The following GTF2A1L variants were observed in gnomAD, a reference collection of about 807,000 sequenced individuals.
GTF2A1L encodes the protein TFIIA-alpha and beta-like factor.
In GTF2A1L, 48 loss-of-function variants were observed where a neutral mutation model predicts 49.7. The ratio of observed to expected loss-of-function variants is 0.97; its 90% CI spans 0.77 to 1.23. GTF2A1L has a LOEUF of 1.23. Among genes scored for constraint, GTF2A1L ranks in the 50% most tolerant of loss-of-function variants. The probability of loss-of-function intolerance (pLI) is 0.00; values close to 1 mark genes in which losing one functional copy is unlikely to be tolerated. For synonymous variants in GTF2A1L, 246 were observed against 193.5 expected (o/e 1.27, Z -2.25); for missense variants, 736 against 564.8 (o/e 1.30, Z -3.07).
At chr2:48,623,026 C>T (rs1676095665) in intron 3 of GTF2A1L, among the ~76,000 whole-genome samples, 1 of 152,062 alleles carries the variant, frequency 6.6e-6, no homozygotes, top group Admixed American at 6.6e-5. Flanking sequence ...GAAATAATTA[C>T]ATTTTAAATA....
At position 48,626,104 on chromosome 2, in the gene GTF2A1L, C is replaced by A. The variant is rs756231035; in HGVS notation, c.247+4814C>A. The stretch of plus-strand genomic sequence containing the variant: ...GTGTGTGGAAATTCACTTCTTCCAC[C>A]AACAACCATTTATTGAAGAAACTAT... On this transcript the variant is annotated intron_variant, in intron 3 of 8. Coordinates refer to ENST00000403751, the MANE Select transcript of GTF2A1L (RefSeq NM_006872.5). Among the ~76,000 whole-genome samples, 56 of 143,868 alleles carry A rather than the reference C, an allele frequency of 3.9e-4. 12 individuals are homozygous for A. The highest frequency in any genetic ancestry group is 1.1e-4 in the Non-Finnish European group (7 of 63,990). 94.4% of individuals were successfully genotyped at this position (143,868 alleles called of 152,430 possible). A position where few individuals can be genotyped will look rare whatever the true frequency, so the allele number is the denominator to read the frequency against.
intron 3 of GTF2A1L, among the ~76,000 whole-genome samples, chr2:48,637,598 A>G (rs968820507): frequency 1.3e-5 from 2 of 152,206 alleles, no homozygotes; most frequent in African/African-American, 4.8e-5. Context: ...CCCCAAAGCT[A>G]GCAGAAGACA....
intron 1 of GTF2A1L, among the ~76,000 whole-genome samples, chr2:48,618,409 C>T (rs1317770839): frequency 6.6e-6 from 1 of 152,206 alleles, no homozygotes; most frequent in Admixed American, 6.5e-5. Flanking sequence ...CCTCCTACCT[C>T]TAACGGACAC....
chr2:48,660,501 A>G (rs1334655827), intron 6 of GTF2A1L, among the ~76,000 whole-genome samples: 1 of 151,912 alleles, frequency 6.6e-6, no homozygotes, highest in Non-Finnish European at 1.5e-5. Flanking sequence ...TTCAGTCTAG[A>G]TTGCGTATTT....
intron 1 of GTF2A1L, among the ~76,000 whole-genome samples, chr2:48,620,035 G>T (rs13028463): frequency 6.6e-5 from 10 of 152,176 alleles, no homozygotes; most frequent in African/African-American, 2.2e-4. Flanking sequence ...AGTGAGATGA[G>T]CTTTAATTGC....
intron 6 of GTF2A1L, among the ~76,000 whole-genome samples, chr2:48,663,487 A>G (rs1678637483): frequency 6.6e-6 from 1 of 152,138 alleles, no homozygotes; most frequent in African/African-American, 2.4e-5. Context: ...AATCCTTCAA[A>G]TATGTTTATT....
intron 6 of GTF2A1L, among the ~76,000 whole-genome samples, chr2:48,660,716 C>G (rs907343986): frequency 2.0e-5 from 3 of 152,188 alleles, no homozygotes; most frequent in African/African-American, 7.2e-5. Context: ...TCTTGGCTCA[C>G]TGCAACCTCT....
At chr2:48,642,843 C>T (rs1419354958) in intron 4 of GTF2A1L, among the ~76,000 whole-genome samples, 1 of 135,038 alleles carries the variant, frequency 7.4e-6, no homozygotes, top group Non-Finnish European at 1.6e-5. Flanking sequence ...GTGACAAGAA[C>T]AAAATTCTGT....
intron 6 of GTF2A1L, among the ~76,000 whole-genome samples, chr2:48,650,888 C>T (rs950922641): frequency 3.3e-5 from 5 of 151,912 alleles, no homozygotes; most frequent in African/African-American, 1.2e-4. Flanking sequence ...AATTATAGAC[C>T]ACTGAATTTG....
At chr2:48,621,866 C>T (rs916242825) in intron 3 of GTF2A1L, among the ~76,000 whole-genome samples, 21 of 152,164 alleles carry the variant, frequency 1.4e-4, no homozygotes, top group African/African-American at 3.6e-4. Context: ...CCACATTATG[C>T]GTATCAATTT....
At position 48,671,636 on chromosome 2, in the gene GTF2A1L, G is replaced by C; in HGVS notation, c.1285G>C (p.Asp429His). Reference protein sequence around the residue: ...GDDVSEQDVPDLFDTDNVIVC... With the variant: ...GDDVSEQDVPHLFDTDNVIVC... Reference sequence around the variant, plus strand: ...TGATGTTAGTGAACAGGATGTGCCAGACCTGTTTGACACGGATAATGTTAT... The same window carrying C: ...TGATGTTAGTGAACAGGATGTGCCACACCTGTTTGACACGGATAATGTTAT... Residue 429 changes from aspartate to histidine, a missense_variant, in exon 8 of 9, where the codon GAC becomes CAC. Physicochemically the swap from Asp to His is moderately conservative, Grantham distance 81 (BLOSUM62 -1). Coordinates refer to ENST00000403751, the MANE Select transcript of GTF2A1L (RefSeq NM_006872.5). The C allele has an allele frequency of 6.2e-7, 1 of 1,613,682 alleles. No homozygotes were observed. The highest frequency in any genetic ancestry group is 1.1e-5 in the South Asian group (1 of 90,952).
At chr2:48,639,410 C>G (rs1677084049) in intron 3 of GTF2A1L, among the ~76,000 whole-genome samples, 1 of 152,164 alleles carries the variant, frequency 6.6e-6, no homozygotes, top group Non-Finnish European at 1.5e-5. Flanking sequence ...CTGTAGCCAT[C>G]TGACCTTTGA....
At chr2:48,671,976 G>A (rs903957470) in intron 8 of GTF2A1L, among the ~76,000 whole-genome samples, 12 of 152,202 alleles carry the variant, frequency 7.9e-5, no homozygotes, top group Admixed American at 5.2e-4. Flanking sequence ...GCTAAAATAT[G>A]TGACAGGTAA....
intron 6 of GTF2A1L, among the ~76,000 whole-genome samples, chr2:48,657,004 G>A (rs1678216141): frequency 6.6e-6 from 1 of 152,154 alleles, no homozygotes; most frequent in African/African-American, 2.4e-5. Flanking sequence ...GACGTTTTAT[G>A]TAACGGTTTG....
At chr2:48,632,381 C>G (rs970670976) in intron 3 of GTF2A1L, 8 of 151,296 alleles carry the variant, frequency 5.3e-5, no homozygotes, top group African/African-American at 1.7e-4. Context: ...ACCTACTTGA[C>G]AAGTTTTTTG....
intron 4 of GTF2A1L, among the ~76,000 whole-genome samples, chr2:48,644,170 C>G (rs1373778240): frequency 6.6e-6 from 1 of 152,040 alleles, no homozygotes; most frequent in East Asian, 1.9e-4. Flanking sequence ...AACCCTGTCT[C>G]TTAAAAATAA....
intron 6 of GTF2A1L, among the ~76,000 whole-genome samples, chr2:48,651,158 C>G (rs1232273179): frequency 6.6e-6 from 1 of 152,008 alleles, no homozygotes; most frequent in Non-Finnish European, 1.5e-5. Flanking sequence ...TCAAAGACAC[C>G]TTGGTTAAGC....
intron 6 of GTF2A1L, among the ~76,000 whole-genome samples, chr2:48,661,247 CTTTTTTT>C (rs70946820): frequency 0.057 from 3,600 of 62,680 alleles, 50 homozygotes; most frequent in Non-Finnish European, 0.074. Context: ...CATCCCCAAA[CTTTTTTT>C]TTTTTTTTTT....
intron 3 of GTF2A1L, among the ~76,000 whole-genome samples, chr2:48,638,184 G>A (rs558969430): frequency 3.9e-5 from 6 of 152,158 alleles, no homozygotes; most frequent in East Asian, 1.9e-4. Flanking sequence ...TTACTGAAAC[G>A]ATTTCAAAAA....
Sources: gnomAD v4.1 joint callset for allele counts (sites outside exome capture counted in the v4.1 genomes callset) on GRCh38, gnomAD v4.1.1 for gene constraint, MANE v1.5 for transcripts, NCBI Gene and HGNC (gene_info 2026-07-23, HGNC 2026-07-21) for gene names.